Variants in FRMD5 observed in about 807,000 individuals in gnomAD.
FRMD5 encodes FERM domain-containing protein 5.
In FRMD5, 20 loss-of-function variants were observed where a neutral mutation model predicts 69.0. The ratio of observed to expected loss-of-function variants is 0.29; its 90% confidence interval spans 0.20 to 0.42. The LOEUF is 0.42. Ranked by LOEUF, FRMD5 falls within the 10% of genes least tolerant of loss-of-function variation. The pLI is 1.00. For missense variants in FRMD5, 595 were observed against 708.6 expected, an observed-to-expected ratio of 0.84 and a Z score of 1.82; for synonymous variants, 271 against 260.1, an observed-to-expected ratio of 1.04 and a Z score of -0.40.
intron 1 of FRMD5, among the ~76,000 whole-genome samples, chr15:44,029,959 G>A (rs1282887713): frequency 1.3e-5 from 2 of 152,200 alleles, no homozygotes; most frequent in Non-Finnish European, 2.9e-5. Context: ...TATGGACTAT[G>A]TTTTATTCAT....
At chr15:44,076,009 G>T (rs1438766757) in intron 1 of FRMD5, among the ~76,000 whole-genome samples, 3 of 152,100 alleles carry the variant, frequency 2.0e-5, no homozygotes, top group Non-Finnish European at 4.4e-5. Flanking sequence ...TTTTGATGGG[G>T]TTGTTTGTTT....
At chr15:43,997,347 G>A (rs1415444712) in intron 1 of FRMD5, among the ~76,000 whole-genome samples, 1 of 152,084 alleles carries the variant, frequency 6.6e-6, no homozygotes, top group Non-Finnish European at 1.5e-5. Context: ...TTCTACTCTT[G>A]AGATTCCTCA....
chr15:43,874,911 A>G (rs763003927), intron 13 of FRMD5, among the ~76,000 whole-genome samples: 23 of 151,546 alleles, frequency 1.5e-4, no homozygotes, highest in Non-Finnish European at 2.5e-4. Context: ...CTTAAAAAAA[A>G]GAAAAAGGCT....
chr15:44,135,547 G>A (rs374796423), intron 1 of FRMD5, among the ~76,000 whole-genome samples: 2 of 152,114 alleles, frequency 1.3e-5, no homozygotes, highest in Non-Finnish European at 2.9e-5. Context: ...TACAAATTGG[G>A]TCAGGCATGG....
chr15:43,879,975 C>T (rs1231836847), intron 13 of FRMD5: 4 of 214,164 alleles, frequency 1.9e-5, no homozygotes, highest in Non-Finnish European at 3.7e-5. Context: ...GCTTCCTTGG[C>T]CTGCAGCTCT....
intron 9 of FRMD5, among the ~76,000 whole-genome samples, 193 bp downstream of exon 9, chr15:43,888,616 A>G (rs2930534): frequency 0.056 from 8,501 of 152,238 alleles, 785 homozygotes; most frequent in African/African-American, 0.19. Context: ...CTGGGTGTCA[A>G]TAGCATCCCT....
chr15:43,986,331 A>C (rs535332019), intron 1 of FRMD5, among the ~76,000 whole-genome samples: 1 of 152,136 alleles, frequency 6.6e-6, no homozygotes, highest in East Asian at 1.9e-4. Flanking sequence ...AAATGCAGCA[A>C]AGTAACAAAA....
intron 1 of FRMD5, among the ~76,000 whole-genome samples, chr15:44,028,499 A>G (rs971461539): frequency 1.3e-5 from 2 of 152,214 alleles, no homozygotes; most frequent in African/African-American, 4.8e-5. Context: ...CTCCACCACA[A>G]CATGGTGCAC....
intron 8 of FRMD5, among the ~76,000 whole-genome samples, chr15:43,890,219 C>T (rs1039044943): frequency 5.9e-5 from 9 of 152,190 alleles, no homozygotes; most frequent in African/African-American, 1.9e-4. Flanking sequence ...TAGGTTCCAA[C>T]AAGCAAGCTA....
chr15:44,122,533 C>A (rs143479092), intron 1 of FRMD5, among the ~76,000 whole-genome samples: 1 of 151,512 alleles, frequency 6.6e-6, no homozygotes, highest in Non-Finnish European at 1.5e-5. Flanking sequence ...AAGCAGAGAC[C>A]GCACCAGCCT....
At chr15:44,107,208 G>A (rs1032258082) in intron 1 of FRMD5, among the ~76,000 whole-genome samples, 9 of 152,152 alleles carry the variant, frequency 5.9e-5, no homozygotes, top group African/African-American at 1.9e-4. Context: ...AGGAAGGGAA[G>A]GGGGATACAA....
intron 7 of FRMD5, among the ~76,000 whole-genome samples, chr15:43,896,612 A>C (rs2088915965): frequency 6.6e-6 from 1 of 152,206 alleles, no homozygotes. Flanking sequence ...ACTGGTTCAG[A>C]AGCAGGAACA....
intron 7 of FRMD5, among the ~76,000 whole-genome samples, chr15:43,894,344 TAGAA>T (rs531802826): frequency 1.7e-4 from 26 of 151,816 alleles, no homozygotes; most frequent in African/African-American, 5.1e-4. Context: ...ACTGCAGGCT[TAGAA>T]AGAAAGAGAC....
rs1167867396 is a variant in FRMD5, at chr15:43,910,572, CAAAAAAA to C, written c.330-600_330-594del. 2.7e-4 allele frequency among the ~76,000 whole-genome samples: 11 copies of C among 40,364 alleles called. No individual in the cohort carries two copies. The East Asian group carries it at 3.1e-3, about 11-fold the overall frequency. The allele number at this position is 40,364 out of a possible 152,430, so 26.5% of individuals were successfully genotyped here. On this transcript the variant is annotated intron_variant, in intron 4 of 13. Coordinates refer to ENST00000417257, the MANE Select transcript of FRMD5 (RefSeq NM_032892.5). Reference sequence around the variant, plus strand: ...CTGGGCAATCGGAGAGACCTTGTCTCAAAAAAAAAAAAAAAAAAAAAAAAAAAATTGC... The same window carrying C: ...CTGGGCAATCGGAGAGACCTTGTCTCAAAAAAAAAAAAAAAAAAAAATTGC...
At chr15:43,994,761 C>G (rs772484608) in intron 1 of FRMD5, among the ~76,000 whole-genome samples, 1 of 152,214 alleles carries the variant, frequency 6.6e-6, no homozygotes, top group Non-Finnish European at 1.5e-5. Flanking sequence ...TTTGCCTAAC[C>G]TTCATGCTAA....
At chr15:44,152,206 C>CA (rs1031254023) in intron 1 of FRMD5, among the ~76,000 whole-genome samples, 4 of 152,110 alleles carry the variant, frequency 2.6e-5, no homozygotes, top group Admixed American at 6.6e-5. Context: ...GAGACTGTCC[C>CA]AAAAAACAAA....
chr15:44,048,730 G>C (rs1195346280), intron 1 of FRMD5, among the ~76,000 whole-genome samples: 5 of 152,026 alleles, frequency 3.3e-5, no homozygotes, highest in African/African-American at 7.3e-5. Context: ...TCACTACCAT[G>C]CCTGGCTAAT....
intron 1 of FRMD5, among the ~76,000 whole-genome samples, chr15:43,997,627 A>AT (rs1193654685): frequency 7.1e-6 from 1 of 140,892 alleles, no homozygotes; most frequent in East Asian, 2.1e-4. Flanking sequence ...AAGTGAGTGG[A>AT]TTTTTCCCCT....
chr15:44,055,302 T>C (rs12907002), intron 1 of FRMD5, among the ~76,000 whole-genome samples: 6,062 of 152,192 alleles, frequency 0.04, 159 homozygotes, highest in Middle Eastern at 0.075. Flanking sequence ...AGTAGCACTG[T>C]AGAAGCATCA....
Sources: gnomAD v4.1 joint callset for allele counts (sites outside exome capture counted in the v4.1 genomes callset) on GRCh38, gnomAD v4.1.1 for gene constraint, MANE v1.5 for transcripts, NCBI Gene and HGNC (gene_info 2026-07-23, HGNC 2026-07-21) for gene names.